SERPINB4: variants seen among roughly 807,000 people sequenced by gnomAD.
SERPINB4 encodes the protein serpin family B member 4.
In SERPINB4, 39 loss-of-function variants were observed where a neutral mutation model predicts 33.2. The observed-to-expected ratio is 1.18, with a 90% CI of 0.91 to 1.53. The LOEUF (loss-of-function observed/expected upper bound fraction) is 1.53. Among genes scored for constraint, SERPINB4 ranks in the 40% most tolerant of loss-of-function variants. SERPINB4 has a pLI of 0.00. For synonymous variants in SERPINB4, 191 were observed against 166.4 expected (o/e 1.15, Z -1.14); for missense variants, 564 against 455.4 (o/e 1.24, Z -2.17).
At position 63,639,677 on chromosome 18, in the gene SERPINB4, A is replaced by G. The variant is rs1251108939; in HGVS notation, c.569T>C (p.Phe190Ser). ...TTCCTCTTTAGTGTTTTCTTTTTTA[A>G]ATTTATTCTCCCACTGCCCTTTGAA... ...IYFKGQWENKFKKENTKEEKF... is the reference protein window; with the variant it reads ...IYFKGQWENKSKKENTKEEKF... Residue 190 changes from phenylalanine to serine, a missense_variant, in exon 6 of 8, where the codon TTT becomes TCT. By Grantham distance (155) the Phe-to-Ser change is radical. Transcript: ENST00000341074. 6.2e-7 allele frequency: 1 copy of G among 1,611,278 alleles called. No individual in the cohort carries two copies.
Position 63,638,093 on chromosome 18 carries a change from T to A in SERPINB4, c.799A>T (p.Met267Leu), listed in dbSNP as rs201562662. The stretch of plus-strand genomic sequence containing the variant: ...ATATTCTGCAAACTTGTCCATTCCA[T>A]CAATTTCTCAGCAGTGAGTTTCTCT... The part of the protein sequence containing the change: ...LEEKLTAEKL[M>L]EWTSLQNMRE... Residue 267 changes from methionine (M) to leucine (L), a missense_variant, in exon 8 of 8, where the codon ATG (methionine) becomes TTG (leucine). Met to Leu is a conservative substitution (Grantham distance 15, BLOSUM62 2). Transcript: ENST00000341074. The A allele has an allele frequency of 4.3e-6, 7 of 1,613,128 alleles. No individual in the cohort carries two copies. The highest frequency in any genetic ancestry group is 5.9e-6 in the Non-Finnish European group (7 of 1,179,562).
In SERPINB4 at chr18:63,637,918, A is replaced by G. The variant is rs199539540; in HGVS notation, c.974T>C (p.Val325Ala). Residue 325 changes from valine to alanine, a missense_variant, in exon 8 of 8, where the codon GTA becomes GCA. By Grantham distance (64) the Val-to-Ala change is moderately conservative. Transcript: ENST00000341074. Reference protein sequence around the residue: ...SGMTWSHGLSVSKVLHKAFVE... With the variant: ...SGMTWSHGLSASKVLHKAFVE... ...AAAGGCCTTGTGTAGGACTTTAGAT[A>G]CTGAGAGACCGTGGCTCCAGGTCAT... 5 of 1,613,606 alleles carry G rather than the reference A, an allele frequency of 3.1e-6. No homozygotes were observed. The highest frequency in any genetic ancestry group is 2.2e-5 in the East Asian group (1 of 44,860).
At position 63,641,773 on chromosome 18, in the gene SERPINB4, T is replaced by C; in HGVS notation, c.338A>G (p.Tyr113Cys). 1.9e-6 allele frequency: 3 copies of C among 1,613,376 alleles called. No individual in the cohort carries two copies. The highest frequency in any genetic ancestry group is 2.5e-6 in the Non-Finnish European group (3 of 1,179,468). ...IANKLFGEKT[Y>C]QFLQEYLDAI... Reference sequence around the variant, plus strand: ...AGGTGAAATTACCTGTAAAAATTGATACGTCTTTTCTCCGAAGAGCTTGTT... The same window carrying C: ...AGGTGAAATTACCTGTAAAAATTGACACGTCTTTTCTCCGAAGAGCTTGTT... Residue 113 changes from tyrosine to cysteine, a missense_variant, in exon 4 of 8, where the codon TAT becomes TGT. Tyr to Cys is a radical substitution (Grantham distance 194). Coordinates refer to ENST00000341074, the MANE Select transcript of SERPINB4 (RefSeq NM_002974.4).
chr18:63,640,347 T>G (rs1364919347), intron 5 of SERPINB4, among the ~76,000 whole-genome samples: 1 of 152,032 alleles, frequency 6.6e-6, no homozygotes, highest in African/African-American at 2.4e-5. Context: ...GTCTGTAGAA[T>G]GGAGACTTTG....
Position 63,638,131 on chromosome 18 carries a change from A to G in SERPINB4, c.769-8T>C, listed in dbSNP as rs535724633. The G allele has an allele frequency of 2.5e-6, 4 of 1,609,030 alleles. No homozygotes were observed. The East Asian group carries it at 8.9e-5, about 36-fold the overall frequency. On this transcript the variant is annotated splice_region_variant and splice_polypyrimidine_tract_variant and intron_variant, in intron 7 of 7. Transcript: ENST00000341074. ...AGTGAGTTTCTCTTCAAGCTATACA[A>G]ATGGAAAAAAGAAACTGATATGACT...
At chr18:63,641,662 G>C in intron 4 of SERPINB4, 98 bp downstream of exon 4, 1 of 1,593,376 alleles carries the variant, frequency 6.3e-7, no homozygotes, top group Non-Finnish European at 8.6e-7. Flanking sequence ...CTCCACCTGA[G>C]TCGGCCAGGC....
At position 63,641,245 on chromosome 18, in the gene SERPINB4, A is replaced by G. The variant is rs1213833982; in HGVS notation, c.352-254T>C. Reference sequence around the variant, plus strand: ...AGAAGCAGAAGAGGCTGTGGTTTGCAAACTGCAGAGCAGGCTTCCCTGAAG... The same window carrying G: ...AGAAGCAGAAGAGGCTGTGGTTTGCGAACTGCAGAGCAGGCTTCCCTGAAG... On this transcript the variant is annotated intron_variant, in intron 4 of 7. Coordinates refer to ENST00000341074, the MANE Select transcript of SERPINB4 (RefSeq NM_002974.4). 2.0e-5 allele frequency among the ~76,000 whole-genome samples: 3 copies of G among 152,110 alleles called. No individual in the cohort carries two copies. In the East Asian group the frequency reaches 5.8e-4, roughly 29 times the overall value.
chr18:63,642,408 C>A (rs1373157233), intron 3 of SERPINB4, among the ~76,000 whole-genome samples: 3 of 151,984 alleles, frequency 2.0e-5, no homozygotes, highest in Non-Finnish European at 4.4e-5. Context: ...TATGCCAGGT[C>A]CATGGCTAAG....
At position 63,640,982 on chromosome 18, in the gene SERPINB4, C is replaced by T. The variant is rs759318436; in HGVS notation, c.361G>A (p.Asp121Asn). 20 of 1,611,306 alleles carry T rather than the reference C, an allele frequency of 1.2e-5. No individual in the cohort carries two copies. In the East Asian group the frequency reaches 3.8e-4, roughly 31 times the overall value. Residue 121 changes from aspartate to asparagine, a missense_variant, in exon 5 of 8, where the codon GAT becomes AAT. Coordinates refer to ENST00000341074, the MANE Select transcript of SERPINB4 (RefSeq NM_002974.4). ...KTYQFLQEYL[D>N]AIKKFYQTSV... ...GTCTGGTAAAATTTCTTGATGGCATCTAAATATTCCTTTGAGATATGAAGG... is the reference window on the plus strand; with the variant it reads ...GTCTGGTAAAATTTCTTGATGGCATTTAAATATTCCTTTGAGATATGAAGG...
chr18:63,643,411 A>C lies in SERPINB4; in HGVS notation c.165+2T>G, dbSNP rs1465761383. ...GGACAACGTAATGATGCTGATAGCT[A>C]CCTTGCTAATTTGTTGTGCAGTGTT... On this transcript the variant is annotated splice_donor_variant, in intron 2 of 7. Transcript: ENST00000341074. LOFTEE classifies it high-confidence loss of function. The C allele has an allele frequency of 6.2e-7, 1 of 1,613,620 alleles. No homozygotes were observed. Among genetic ancestry groups the C allele is most frequent in the Non-Finnish European group, 8.5e-7 (1 of 1,179,678 alleles).
At position 63,641,896 on chromosome 18, in the gene SERPINB4, C is replaced by G. The variant is rs1192863872; in HGVS notation, c.223-8G>C. 1.2e-6 allele frequency: 2 copies of G among 1,611,800 alleles called. No homozygotes were observed. Among genetic ancestry groups the G allele is most frequent in the Admixed American group, 3.4e-5 (2 of 59,590 alleles). ...ATTTCCTGACCTATCAACCTTCAAA[C>G]ATCAAAAAGGGAGATCATTCAATTG... On this transcript the variant is annotated splice_region_variant and splice_polypyrimidine_tract_variant and intron_variant, in intron 3 of 7. Coordinates refer to ENST00000341074, the MANE Select transcript of SERPINB4 (RefSeq NM_002974.4).
rs1913056851 is a variant in SERPINB4 at position 63,639,624 on chromosome 18, T to C, written c.612+10A>G. On this transcript the variant is annotated intron_variant, in intron 6 of 7. Coordinates refer to ENST00000341074, the MANE Select transcript of SERPINB4 (RefSeq NM_002974.4). Reference sequence around the variant, plus strand: ...CATATTACACTATATAAATAAAATATAGACAATACCTTGTTTGGCCAAAAT... The same window carrying C: ...CATATTACACTATATAAATAAAATACAGACAATACCTTGTTTGGCCAAAAT... 2.0e-6 allele frequency: 3 copies of C among 1,505,618 alleles called. No homozygotes were observed. The highest frequency in any genetic ancestry group is 2.8e-6 in the Non-Finnish European group (3 of 1,084,560). 93.3% of individuals were successfully genotyped at this position (1,505,618 alleles called of 1,614,324 possible).
At chr18:63,642,005 G>A in intron 3 of SERPINB4, 117 bp from the exon 4 acceptor site, 1 of 1,420,558 alleles carries the variant, frequency 7.0e-7, no homozygotes, top group Non-Finnish European at 9.7e-7. Context: ...GACCTTTGAT[G>A]TTATTCCCTG....
At position 63,641,134 on chromosome 18, in the gene SERPINB4, A is replaced by C. The variant is rs531514914; in HGVS notation, c.352-143T>G. On this transcript the variant is annotated intron_variant, in intron 4 of 7. Transcript: ENST00000341074. Reference sequence around the variant, plus strand: ...CTCCTGTCCATGGATATTTTTATACAGGTGTCATGTAGGCAATGCAAAAGG... The same window carrying C: ...CTCCTGTCCATGGATATTTTTATACCGGTGTCATGTAGGCAATGCAAAAGG... 421 of 674,608 alleles carry C rather than the reference A, an allele frequency of 6.2e-4. 1 individual carries two copies. Among genetic ancestry groups the C allele is most frequent in the Non-Finnish European group, 9.5e-4 (375 of 394,554 alleles). The allele number at this position is 674,608 out of a possible 1,614,324, so 41.8% of individuals were successfully genotyped here.
intron 7 of SERPINB4, among the ~76,000 whole-genome samples, chr18:63,638,616 C>T (rs1913019611): frequency 6.6e-6 from 1 of 151,774 alleles, no homozygotes; most frequent in African/African-American, 2.4e-5. Context: ...TGTAAACTTT[C>T]CTCACATTGG....
At chr18:63,640,720 T>A (rs969528701) in intron 5 of SERPINB4, among the ~76,000 whole-genome samples, 154 bp downstream of exon 5, 5 of 152,006 alleles carry the variant, frequency 3.3e-5, no homozygotes, top group Admixed American at 1.3e-4. Flanking sequence ...TCTCTTCATA[T>A]TCATTTGGAC....
In SERPINB4 at chr18:63,637,870, A is replaced by C. The variant is rs777553044; in HGVS notation, c.1022T>G (p.Val341Gly). The change falls in exon 8 of 8, where the codon GTG becomes GGG. Residue 341 changes from valine to glycine, a missense_variant. By Grantham distance (109) the Val-to-Gly change is moderately radical (BLOSUM62 -3). Coordinates refer to ENST00000341074, the MANE Select transcript of SERPINB4 (RefSeq NM_002974.4). ...TACAGCGGTGGCAGCTGCAGCTTCC[A>C]CTCCCTCCTCAGTGACCTCCACAAA... ...KAFVEVTEEG[V>G]EAAAATAVVV... The C allele has an allele frequency of 6.2e-7, 1 of 1,613,172 alleles. No individual in the cohort carries two copies. Among genetic ancestry groups the C allele is most frequent in the African/African-American group, 1.3e-5 (1 of 74,850 alleles).
At position 63,639,287 on chromosome 18, in the gene SERPINB4, G is replaced by C. The variant is rs745335196; in HGVS notation, c.666C>G (p.Ala222=). The part of the protein sequence containing the change: ...MMRQYNSFNF[A]LLEDVQAKVL... Reference sequence around the variant, plus strand: ...CCTTGGCCTGTACATCCTCCAGCAAGGCAAAATTAAAGGAATTGTATTGCC... The same window carrying C: ...CCTTGGCCTGTACATCCTCCAGCAACGCAAAATTAAAGGAATTGTATTGCC... The change falls in exon 7 of 8, where the codon GCC becomes GCG. Residue 222 remains alanine, a synonymous_variant. Coordinates refer to ENST00000341074, the MANE Select transcript of SERPINB4 (RefSeq NM_002974.4). 82 of 1,612,418 alleles carry C rather than the reference G, an allele frequency of 5.1e-5. No individual in the cohort carries two copies. The highest frequency in any genetic ancestry group is 6.7e-5 in the Admixed American group (4 of 59,848).
rs1477874382 is a variant in SERPINB4, at chr18:63,639,178, T to C, written c.768+7A>G. ...TAGAAGGAAGAGTTGTAGATGCAAG[T>C]TCTTACCTTCTGCAGACCATCGATT... is the stretch of plus-strand genomic sequence containing the variant. On this transcript the variant is annotated splice_region_variant and intron_variant, in intron 7 of 7. Transcript: ENST00000341074. 1.9e-6 allele frequency: 3 copies of C among 1,596,540 alleles called. No individual in the cohort carries two copies. Among genetic ancestry groups the C allele is most frequent in the Non-Finnish European group, 1.7e-6 (2 of 1,168,912 alleles).
Sources: allele counts gnomAD v4.1 joint callset (sites outside exome capture counted in the v4.1 genomes callset), GRCh38; gene constraint gnomAD v4.1.1; transcripts MANE v1.5; gene names NCBI Gene and HGNC (gene_info 2026-07-23, HGNC 2026-07-21).